The following PRDM8 variants were observed in gnomAD, a reference collection of about 807,000 sequenced individuals.
PRDM8 encodes the protein PR/SET domain 8.
A neutral mutation model predicts 46.5 loss-of-function variants in PRDM8; 13 were observed. That is an observed-to-expected ratio of 0.28 (90% CI 0.18 to 0.44). The LOEUF (loss-of-function observed/expected upper bound fraction) is 0.44. Among genes scored for constraint, PRDM8 ranks in the 20% least tolerant of loss-of-function variants. PRDM8 has a pLI of 1.00. For synonymous variants in PRDM8, 473 were observed against 438.4 expected (o/e 1.08, Z -0.98); for missense variants, 998 against 955.0 (o/e 1.04, Z -0.59).
At chr4:80,191,340 C>T (rs866703575) in intron 1 of PRDM8, 31 of 152,288 alleles carry the variant, frequency 2.0e-4, no homozygotes, top group African/African-American at 7.2e-4. Flanking sequence ...TTATATTCAA[C>T]ATGTTTATTC....
intron 1 of PRDM8, among the ~76,000 whole-genome samples, chr4:80,187,988 T>A (rs1737251799): frequency 6.6e-6 from 1 of 152,202 alleles, no homozygotes; most frequent in Non-Finnish European, 1.5e-5. Context: ...TCCAAGTCCC[T>A]TTTCTCTGCC....
chr4:80,192,750 A>G (rs1487895584), upstream of PRDM8, among the ~76,000 whole-genome samples: 1 of 152,200 alleles, frequency 6.6e-6, no homozygotes, highest in Admixed American at 6.5e-5. Flanking sequence ...AATAGTGGAT[A>G]TTGGATTTGG....
At chr4:80,196,390 C>T, upstream of PRDM8, 1 of 985,478 alleles carries the variant, frequency 1.0e-6, no homozygotes, top group Non-Finnish European at 1.2e-6. Flanking sequence ...GCCCGAGATT[C>T]CCCAGCGACG....
Position 80,202,372 on chromosome 4 carries a change from G to T in PRDM8, c.910G>T (p.Gly304Cys). 2 of 1,593,242 alleles carry T rather than the reference G, an allele frequency of 1.3e-6. No individual in the cohort carries two copies. The highest frequency in any genetic ancestry group is 1.7e-6 in the Non-Finnish European group (2 of 1,169,984). ...GHQEAELSPD[G>C]IATGGGKGKR... ...CCAGGAGGCGGAGCTGAGTCCCGAC[G>T]GCATCGCCACGGGCGGCGGCAAAGG... Residue 304 changes from glycine (G) to cysteine (C), a missense_variant, in exon 4 of 4, where the codon GGC becomes TGC. Coordinates refer to ENST00000415738, the MANE Select transcript of PRDM8 (RefSeq NM_001099403.2).
chr4:80,202,471 GTA>G lies in PRDM8; in HGVS notation c.1010_1011del (p.Val337GlyfsTer234). On this transcript the variant is annotated frameshift_variant, in exon 4 of 4. Coordinates refer to ENST00000415738, the MANE Select transcript of PRDM8 (RefSeq NM_001099403.2). LOFTEE classifies it high-confidence loss of function. The part of the protein sequence containing the change: ...AGLVGGRGRF[V>X]ERPLPASKED... Reference sequence around the variant, plus strand: ...TCTGGTAGGGGGCCGGGGCCGCTTCGTAGAGCGGCCCCTCCCGGCCTCCAAGG... The same window carrying G: ...TCTGGTAGGGGGCCGGGGCCGCTTCGGAGCGGCCCCTCCCGGCCTCCAAGG... The G allele has an allele frequency of 1.9e-6, 3 of 1,542,668 alleles. No individual in the cohort carries two copies. The highest frequency in any genetic ancestry group is 2.6e-6 in the Non-Finnish European group (3 of 1,146,224).
At position 80,200,225 on chromosome 4, in the gene PRDM8, A is replaced by G. The variant is rs372651952; in HGVS notation, c.145A>G (p.Thr49Ala). Residue 49 changes from threonine to alanine, a missense_variant, in exon 2 of 4, where the codon ACT becomes GCT. Thr to Ala is a moderately conservative substitution (Grantham distance 58). Coordinates refer to ENST00000415738, the MANE Select transcript of PRDM8 (RefSeq NM_001099403.2). ...ATTTGGTCCCTGTGTCCTGAGCCAT[A>G]CTTCCCTATATGACAGCATAGCTTT... ...AIFGPCVLSHTSLYDSIAFIA... is the reference protein window; with the variant it reads ...AIFGPCVLSHASLYDSIAFIA... 2 of 1,614,026 alleles carry G rather than the reference A, an allele frequency of 1.2e-6. No individual in the cohort carries two copies. The highest frequency in any genetic ancestry group is 1.7e-6 in the Non-Finnish European group (2 of 1,180,012).
intron 1 of PRDM8, among the ~76,000 whole-genome samples, chr4:80,187,557 G>A (rs1164137506): frequency 2.6e-5 from 4 of 152,078 alleles, no homozygotes; most frequent in African/African-American, 9.7e-5. Context: ...AAGGTTTGGG[G>A]GATATACAGA....
intron 1 of PRDM8, among the ~76,000 whole-genome samples, chr4:80,187,250 G>GGGGGGGGGGA (rs1560464418): frequency 7.1e-6 from 1 of 140,112 alleles, no homozygotes; most frequent in African/African-American, 2.7e-5. Context: ...GCCCTGGGGC[G>GGGGGGGGGGA]GGGGGAAGCA....
rs1461158651 is a variant in PRDM8, at chr4:80,202,728, C to T, written c.1266C>T (p.Ser422=). 3.8e-6 allele frequency: 5 copies of T among 1,302,550 alleles called. No individual in the cohort carries two copies. The highest frequency in any genetic ancestry group is 4.8e-6 in the Non-Finnish European group (5 of 1,031,400). 80.7% of individuals were successfully genotyped at this position (1,302,550 alleles called of 1,614,324 possible). A position where few individuals can be genotyped will look rare whatever the true frequency, so the allele number is the denominator to read the frequency against. The part of the protein sequence containing the change: ...EDQDAGGGGG[S]STPAAASPVG... ...AGGACGCTGGCGGCGGCGGCGGCTC[C>T]TCCACGCCCGCGGCCGCGTCACCGG... Residue 422 remains serine (S), a synonymous_variant, in exon 4 of 4, where the codon TCC becomes TCT. Transcript: ENST00000415738.
upstream of PRDM8, chr4:80,197,480 A>T: frequency 1.0e-6 from 1 of 985,802 alleles, no homozygotes; most frequent in South Asian, 4.7e-5. Flanking sequence ...AGCAAACAAA[A>T]AGTGTGTGTC....
At chr4:80,186,778 G>T (rs1267008546) in intron 1 of PRDM8, among the ~76,000 whole-genome samples, 2 of 152,176 alleles carry the variant, frequency 1.3e-5, no homozygotes, top group African/African-American at 4.8e-5. Flanking sequence ...TTTTACAATT[G>T]TTGTATCAAT....
Position 80,203,259 on chromosome 4 carries a change from G to T in PRDM8, c.1797G>T (p.Gly599=), listed in dbSNP as rs1490752773. 7.6e-6 allele frequency: 12 copies of T among 1,575,230 alleles called. No homozygotes were observed. Among genetic ancestry groups the T allele is most frequent in the Non-Finnish European group, 1.0e-5 (12 of 1,162,318 alleles). ...CCGCGGCTGCGGCGGCGGCCGCGGGGCCCTTGCAGCTGCAGCTGCCCTCGG... is the reference window on the plus strand; with the variant it reads ...CCGCGGCTGCGGCGGCGGCCGCGGGTCCCTTGCAGCTGCAGCTGCCCTCGG... ...AAAAAAAAAA[G]PLQLQLPSAL... Residue 599 remains glycine (G), a synonymous_variant, in exon 4 of 4, where the codon GGG becomes GGT. Transcript: ENST00000415738.
intron 1 of PRDM8, among the ~76,000 whole-genome samples, chr4:80,199,769 A>T (rs1162470439): frequency 6.8e-6 from 1 of 147,942 alleles, no homozygotes; most frequent in African/African-American, 2.5e-5. Context: ...CTGGAACTTC[A>T]CCTCTAAAAC....
chr4:80,186,602 G>C (rs1737110057), intron 1 of PRDM8, among the ~76,000 whole-genome samples: 1 of 152,288 alleles, frequency 6.6e-6, no homozygotes, highest in Non-Finnish European at 1.5e-5. Flanking sequence ...CACGCCTCCA[G>C]AGGGCTGAAG....
In PRDM8 at chr4:80,203,305, T is replaced by C; in HGVS notation, c.1843T>C (p.Ser615Pro). The C allele has an allele frequency of 1.2e-6, 2 of 1,611,976 alleles. No homozygotes were observed. Among genetic ancestry groups the C allele is most frequent in the Non-Finnish European group, 8.5e-7 (1 of 1,179,496 alleles). The change falls in exon 4 of 4, where the codon TCC (serine) becomes CCC (proline). Residue 615 changes from serine to proline, a missense_variant. Physicochemically the swap from Ser to Pro is moderately conservative, Grantham distance 74 (BLOSUM62 -1). Transcript: ENST00000415738. Reference sequence around the variant, plus strand: ...CTCGGCGCTCACGCTGCTGCCGCCCTCCTTCACCTCGCTGTGTCTGCCCGC... The same window carrying C: ...CTCGGCGCTCACGCTGCTGCCGCCCCCCTTCACCTCGCTGTGTCTGCCCGC... ...LPSALTLLPP[S>P]FTSLCLPAQN...
upstream of PRDM8, chr4:80,196,416 G>C: frequency 1.0e-6 from 1 of 985,446 alleles, no homozygotes; most frequent in Admixed American, 6.1e-5. Flanking sequence ...TTGCAGCCCC[G>C]TTGAAGGAGT....
Position 80,201,537 on chromosome 4 carries a change from A to G in PRDM8, c.451+16A>G. 1 of 1,609,390 alleles carries G rather than the reference A, an allele frequency of 6.2e-7. No individual in the cohort carries two copies. The highest frequency in any genetic ancestry group is 8.5e-7 in the Non-Finnish European group (1 of 1,175,936). On this transcript the variant is annotated intron_variant, in intron 3 of 3. Coordinates refer to ENST00000415738, the MANE Select transcript of PRDM8 (RefSeq NM_001099403.2). Reference sequence around the variant, plus strand: ...AAAATGAATGGTAGGTTGGCTCGCGACCGGCGTGTGGGCCCTTAACTAGCG... The same window carrying G: ...AAAATGAATGGTAGGTTGGCTCGCGGCCGGCGTGTGGGCCCTTAACTAGCG...
upstream of PRDM8, among the ~76,000 whole-genome samples, chr4:80,193,195 C>A (rs3796599): frequency 1.3e-5 from 2 of 151,968 alleles, no homozygotes; most frequent in South Asian, 2.1e-4. Flanking sequence ...ATTACCCAAC[C>A]CTGAGTCTCT....
chr4:80,193,158 C>T (rs1737679706), upstream of PRDM8, among the ~76,000 whole-genome samples: 2 of 152,108 alleles, frequency 1.3e-5, no homozygotes, highest in Admixed American at 1.3e-4. Context: ...AGTTGGGAGC[C>T]TGAAGTCCTT....
Sources: allele counts gnomAD v4.1 joint callset (sites outside exome capture counted in the v4.1 genomes callset), GRCh38; gene constraint gnomAD v4.1.1; transcripts MANE v1.5; gene names NCBI Gene and HGNC (gene_info 2026-07-23, HGNC 2026-07-21).